Variants in HTR4 observed in about 807,000 individuals in gnomAD.
The protein encoded by HTR4 is 5-hydroxytryptamine receptor 4, also known as 5-hydroxytryptamine (serotonin) receptor 4, G protein-coupled.
Under a neutral mutation model 36.8 loss-of-function variants are expected in HTR4, and 16 were observed. That is an observed-to-expected ratio of 0.43 (90% CI 0.29 to 0.66). The LOEUF (loss-of-function observed/expected upper bound fraction) is 0.66, where lower values mean the gene tolerates loss of function less well. HTR4 is among the 30% of genes least tolerant of loss of function. HTR4 has a pLI of 0.13. For missense variants in HTR4, 438 were observed against 490.9 expected, an observed-to-expected ratio of 0.89 and a Z score of 1.02; for synonymous variants, 189 against 185.1, an observed-to-expected ratio of 1.02 and a Z score of -0.17.
At chr5:148,559,311 A>G (rs1274819143) in intron 2 of HTR4, among the ~76,000 whole-genome samples, 1 of 152,206 alleles carries the variant, frequency 6.6e-6, no homozygotes, top group Admixed American at 6.5e-5. Flanking sequence ...CTGTAATTGT[A>G]TGTGTGTGGC....
intron 6 of HTR4, among the ~76,000 whole-genome samples, chr5:148,483,937 ATT>A (rs1756019748): frequency 4.2e-3 from 1 of 236 alleles, no homozygotes; most frequent in African/African-American, 0.016. Flanking sequence ...TGATTTTATT[ATT>A]TATTTATTTA....
intron 6 of HTR4, among the ~76,000 whole-genome samples, chr5:148,488,329 G>T (rs1388838179): frequency 6.6e-6 from 1 of 152,188 alleles, no homozygotes; most frequent in East Asian, 1.9e-4. Context: ...GTGTGGTCCT[G>T]CTCTGGTTTA....
At chr5:148,630,524 T>C (rs1167273404) in intron 2 of HTR4, 1 of 152,206 alleles carries the variant, frequency 6.6e-6, no homozygotes, top group African/African-American at 2.4e-5. Flanking sequence ...TGGGAGCCTT[T>C]GTTTCCTCAC....
chr5:148,532,120 G>A lies in HTR4; in HGVS notation c.354-8774C>T, dbSNP rs374309852. Among the ~76,000 whole-genome samples the A allele has an allele frequency of 7.2e-4, 110 of 152,242 alleles. No homozygotes were observed. In the South Asian group the frequency reaches 0.017, roughly 24 times the overall value. On this transcript the variant is annotated intron_variant, in intron 4 of 6. Coordinates refer to ENST00000377888, the MANE Select transcript of HTR4 (RefSeq NM_000870.7). The stretch of plus-strand genomic sequence containing the variant: ...TCCTCTGTATGTGCTATAACATGTC[G>A]TTATCTCTTAAGAGTGGGGTGCCAC...
chr5:148,535,506 C>A (rs960721648), intron 4 of HTR4, among the ~76,000 whole-genome samples: 1 of 152,072 alleles, frequency 6.6e-6, no homozygotes, highest in African/African-American at 2.4e-5. Context: ...GATACAGAAG[C>A]TGAAGGATGA....
intron 4 of HTR4, among the ~76,000 whole-genome samples, chr5:148,534,190 C>A (rs1581437314): frequency 6.6e-6 from 1 of 152,186 alleles, no homozygotes; most frequent in South Asian, 2.1e-4. Flanking sequence ...AACCTTCCAA[C>A]TGGGTTCCCT....
intron 2 of HTR4, among the ~76,000 whole-genome samples, chr5:148,596,138 G>T (rs2127263374): frequency 6.6e-6 from 1 of 152,246 alleles, no homozygotes; most frequent in Middle Eastern, 3.4e-3. Flanking sequence ...ATGAATGTAT[G>T]GATTATAGTT....
At chr5:148,597,160 A>G (rs914479732) in intron 2 of HTR4, among the ~76,000 whole-genome samples, 8 of 152,144 alleles carry the variant, frequency 5.3e-5, no homozygotes, top group African/African-American at 1.7e-4. Flanking sequence ...CAGAGCAGAC[A>G]TTCTCTATGG....
At position 148,502,242 on chromosome 5, in the gene HTR4, C is replaced by T. The variant is rs1052311295; in HGVS notation, c.1076+7214G>A. 2.6e-5 allele frequency among the ~76,000 whole-genome samples: 4 copies of T among 152,136 alleles called. 1 individual carries two copies. Among genetic ancestry groups the T allele is most frequent in the African/African-American group, 9.7e-5 (4 of 41,418 alleles). On this transcript the variant is annotated intron_variant, in intron 6 of 6. Coordinates refer to ENST00000377888, the MANE Select transcript of HTR4 (RefSeq NM_000870.7). ...CCCCAAGTAGCCTAACTGGGAGGCA[C>T]CTCCAAGTGGGGGCAGACTGATACC...
At chr5:148,622,337 T>C (rs1256569178) in intron 2 of HTR4, among the ~76,000 whole-genome samples, 2 of 152,256 alleles carry the variant, frequency 1.3e-5, no homozygotes, top group Non-Finnish European at 2.9e-5. Flanking sequence ...GTACCTGTTA[T>C]GTTTCTCTGT....
chr5:148,496,687 T>C (rs1056402522), intron 6 of HTR4, among the ~76,000 whole-genome samples: 7 of 152,160 alleles, frequency 4.6e-5, no homozygotes, highest in African/African-American at 1.7e-4. Flanking sequence ...AGCAGACTGC[T>C]CAGATGGGAA....
chr5:148,642,185 T>C (rs867646404), intron 1 of HTR4, among the ~76,000 whole-genome samples: 3 of 152,182 alleles, frequency 2.0e-5, no homozygotes, highest in Non-Finnish European at 2.9e-5. Context: ...TAAAACATTA[T>C]TATGTTAATA....
At position 148,507,839 on chromosome 5, in the gene HTR4, C is replaced by T. The variant is rs1159233616; in HGVS notation, c.1076+1617G>A. Among the ~76,000 whole-genome samples the T allele has an allele frequency of 8.3e-4, 126 of 152,296 alleles. 1 individual carries two copies. The highest frequency in any genetic ancestry group is 1.3e-4 in the Non-Finnish European group (9 of 68,036). On this transcript the variant is annotated intron_variant, in intron 6 of 6. Transcript: ENST00000377888. The stretch of plus-strand genomic sequence containing the variant: ...ACGCTGTTTGTAAGTTGTCAACAGC[C>T]TGTACTTAGGCAACTGCTAGATTAA...
At chr5:148,629,885 T>A (rs1391055702) in intron 2 of HTR4, 1 of 152,192 alleles carries the variant, frequency 6.6e-6, no homozygotes, top group Non-Finnish European at 1.5e-5. Flanking sequence ...CTGAAAACTA[T>A]ATTTTTCAGA....
chr5:148,468,699 A>G (rs1755494462), intron 5 of HTR4, among the ~76,000 whole-genome samples: 1 of 152,214 alleles, frequency 6.6e-6, no homozygotes, highest in Non-Finnish European at 1.5e-5. Context: ...TGCCCTATAC[A>G]TCAAGGACAA....
intron 2 of HTR4, among the ~76,000 whole-genome samples, chr5:148,567,258 C>T (rs1760483490): frequency 6.6e-6 from 1 of 152,118 alleles, no homozygotes; most frequent in African/African-American, 2.4e-5. Context: ...TTGGAGCTTA[C>T]AACTTTGTCC....
chr5:148,473,346 T>A (rs1171515512), downstream of HTR4, among the ~76,000 whole-genome samples: 1 of 150,466 alleles, frequency 6.6e-6, no homozygotes, highest in African/African-American at 2.5e-5. Context: ...GTAGTTGTCC[T>A]CATATGAAGT....
chr5:148,464,034 C>CAAAAAAAAAA (rs34212190), intron 5 of HTR4, among the ~76,000 whole-genome samples: 1 of 99,688 alleles, frequency 1.0e-5, no homozygotes, highest in Admixed American at 1.0e-4. Flanking sequence ...CATTGACATG[C>CAAAAAAAAAA]AAAAAAAAAA....
chr5:148,609,871 G>A (rs1437713273), intron 2 of HTR4, among the ~76,000 whole-genome samples: 1 of 152,136 alleles, frequency 6.6e-6, no homozygotes, highest in East Asian at 1.9e-4. Context: ...CGGCCCATGA[G>A]CCACTGTGCC....
Sources: gnomAD v4.1 joint callset for allele counts (sites outside exome capture counted in the v4.1 genomes callset) on GRCh38, gnomAD v4.1.1 for gene constraint, MANE v1.5 for transcripts, NCBI Gene and HGNC (gene_info 2026-07-23, HGNC 2026-07-21) for gene names.